RBX1: variants seen among roughly 807,000 people sequenced by gnomAD.
RBX1 encodes the protein ring-box 1.
For missense variants in RBX1, 46 were observed against 141.4 expected (o/e 0.33, Z 3.42); for synonymous variants, 48 against 47.9 (o/e 1.00, Z -0.01).
intron 4 of RBX1, among the ~76,000 whole-genome samples, chr22:40,969,000 C>T (rs1191831480): frequency 6.6e-6 from 1 of 151,912 alleles, no homozygotes; most frequent in Non-Finnish European, 1.5e-5. Flanking sequence ...ATGTTTTTAA[C>T]ATTTTTTATA....
At chr22:40,957,605 T>C (rs113200480) in intron 2 of RBX1, among the ~76,000 whole-genome samples, 18 of 152,192 alleles carry the variant, frequency 1.2e-4, no homozygotes, top group African/African-American at 4.1e-4. Flanking sequence ...GCCACTGCAC[T>C]CCAGCCTAGG....
chr22:40,956,423 A>G (rs1468636939), intron 2 of RBX1, among the ~76,000 whole-genome samples: 2 of 141,274 alleles, frequency 1.4e-5, no homozygotes, highest in Non-Finnish European at 3.0e-5. Context: ...TTAAAGACAG[A>G]GTCTCTGTCG....
At chr22:40,960,155 A>T (rs1332743416) in intron 2 of RBX1, among the ~76,000 whole-genome samples, 2 of 152,070 alleles carry the variant, frequency 1.3e-5, no homozygotes, top group Admixed American at 6.6e-5. Context: ...TATTTCTTCT[A>T]TTTATAGAAA....
rs146706848 is a variant in RBX1, at chr22:40,963,956, T to G, written c.158-91T>G. 8.7e-3 allele frequency: 7,815 copies of G among 902,748 alleles called. 51 individuals carry two copies. The highest frequency in any genetic ancestry group is 9.6e-3 in the Non-Finnish European group (5,198 of 541,262). The allele number at this position is 902,748 out of a possible 1,614,324, so 55.9% of individuals were successfully genotyped here. A position where few individuals can be genotyped will look rare whatever the true frequency, so the allele number is the denominator to read the frequency against. ...ACATTCATTAAAAAACAATTATGGC[T>G]AATTAACCACTTGAGAATTGTTTTG... On this transcript the variant is annotated intron_variant, in intron 2 of 4. Coordinates refer to ENST00000216225, the MANE Select transcript of RBX1 (RefSeq NM_014248.4).
chr22:40,955,266 T>C (rs1459629181), intron 2 of RBX1, among the ~76,000 whole-genome samples: 1 of 151,788 alleles, frequency 6.6e-6, no homozygotes, highest in Non-Finnish European at 1.5e-5. Context: ...TTTCCTTTTT[T>C]TTTTTTTTTG....
At chr22:40,955,199 C>G (rs1051421087) in intron 2 of RBX1, among the ~76,000 whole-genome samples, 2 of 152,104 alleles carry the variant, frequency 1.3e-5, no homozygotes, top group African/African-American at 4.8e-5. Flanking sequence ...TCTAACCCAG[C>G]ACTGTCCAAT....
intron 2 of RBX1, among the ~76,000 whole-genome samples, chr22:40,958,774 T>TTTCGG (rs1555894158): frequency 6.9e-6 from 1 of 144,706 alleles, no homozygotes; most frequent in Non-Finnish European, 1.5e-5. Context: ...TCCATCAGTA[T>TTTCGG]TTTGGTTTGG....
At chr22:40,966,809 G>A (rs548317783) in intron 3 of RBX1, 13 of 152,264 alleles carry the variant, frequency 8.5e-5, no homozygotes, top group African/African-American at 2.9e-4. Context: ...AGTAATTTCT[G>A]CCCGTGCCCC....
intron 2 of RBX1, among the ~76,000 whole-genome samples, chr22:40,957,075 C>T (rs535921883): frequency 4.1e-5 from 6 of 145,104 alleles, no homozygotes; most frequent in South Asian, 2.2e-4. Flanking sequence ...AGGCGGGGCG[C>T]GGTGGCTCAT....
At chr22:40,970,776 A>G (rs1046103912) in intron 4 of RBX1, among the ~76,000 whole-genome samples, 1 of 152,176 alleles carries the variant, frequency 6.6e-6, no homozygotes. Context: ...TGTTTGTGAA[A>G]TGTTTAGAAA....
At chr22:40,954,241 C>G (rs1311370627) in intron 2 of RBX1, among the ~76,000 whole-genome samples, 2 of 151,162 alleles carry the variant, frequency 1.3e-5, no homozygotes, top group African/African-American at 4.9e-5. Context: ...TGCACTACAA[C>G]CTGGGCGACA....
In RBX1 at chr22:40,972,526, T is replaced by C. The variant is rs936290014; in HGVS notation, c.*38T>C. On this transcript the variant is annotated 3_prime_UTR_variant, in exon 5 of 5. Coordinates refer to ENST00000216225, the MANE Select transcript of RBX1 (RefSeq NM_014248.4). ...TCCATCAAGCTTAATTGTTTTGTTA[T>C]TCATTTAATGACTTTCCCTGCTGTT... The C allele has an allele frequency of 1.3e-6, 2 of 1,561,030 alleles. No individual in the cohort carries two copies. Among genetic ancestry groups the C allele is most frequent in the Non-Finnish European group, 1.8e-6 (2 of 1,132,236 alleles).
chr22:40,959,167 C>T (rs1284073262), intron 2 of RBX1, among the ~76,000 whole-genome samples: 1 of 152,180 alleles, frequency 6.6e-6, no homozygotes, highest in East Asian at 1.9e-4. Context: ...GAAGCCATTG[C>T]TTCCTTAACA....
chr22:40,951,713 A>G lies in RBX1; in HGVS notation c.78+237A>G, dbSNP rs186244893. ...TAAGGGGCCAATCACAGAGCTGCTT[A>G]TTGAGATACGCGGGGTTGCGACTTG... On this transcript the variant is annotated intron_variant, in intron 1 of 4. Transcript: ENST00000216225. Among the ~76,000 whole-genome samples the G allele has an allele frequency of 5.1e-4, 74 of 146,386 alleles. No homozygotes were observed. In the East Asian group the frequency reaches 0.015, roughly 29 times the overall value.
intron 2 of RBX1, among the ~76,000 whole-genome samples, chr22:40,962,630 G>A (rs2058344054): frequency 6.7e-6 from 1 of 150,140 alleles, no homozygotes; most frequent in South Asian, 2.1e-4. Context: ...TGAATAGCTG[G>A]GACTACAGGC....
intron 2 of RBX1, among the ~76,000 whole-genome samples, chr22:40,961,016 G>A (rs1273248015): frequency 2.0e-5 from 3 of 151,092 alleles, no homozygotes; most frequent in South Asian, 2.1e-4. Flanking sequence ...TGCCTGCCTC[G>A]ACTTCCCAAA....
At chr22:40,972,219 C>T (rs1272361417) in intron 4 of RBX1, among the ~76,000 whole-genome samples, 1 of 152,156 alleles carries the variant, frequency 6.6e-6, no homozygotes, top group Non-Finnish European at 1.5e-5. Context: ...CTACTGGCAC[C>T]TGTCAGGTGG....
chr22:40,954,284 A>AT (rs398121836), intron 2 of RBX1, among the ~76,000 whole-genome samples: 5 of 151,776 alleles, frequency 3.3e-5, no homozygotes, highest in Non-Finnish European at 7.4e-5. Context: ...AAAAAAAAAA[A>AT]GTCTATCTGA....
At chr22:40,960,924 G>A (rs759305866) in intron 2 of RBX1, among the ~76,000 whole-genome samples, 9 of 151,218 alleles carry the variant, frequency 6.0e-5, no homozygotes, top group Non-Finnish European at 8.8e-5. Context: ...CACCACACCC[G>A]GTTAATTGTT....
Sources: gnomAD v4.1 joint callset for allele counts (sites outside exome capture counted in the v4.1 genomes callset) on GRCh38, gnomAD v4.1.1 for gene constraint, MANE v1.5 for transcripts, NCBI Gene and HGNC (gene_info 2026-07-23, HGNC 2026-07-21) for gene names.